The following RSPH10B2 variants were observed in gnomAD, a reference collection of about 807,000 sequenced individuals.
RSPH10B2 encodes radial spoke head 10 homolog B2 (Chlamydomonas).
Under a neutral mutation model 49.0 loss-of-function variants are expected in RSPH10B2, and 9 were observed. That is an observed-to-expected ratio of 0.18 (90% CI 0.11 to 0.32). RSPH10B2 has a LOEUF of 0.32. Ranked by LOEUF, RSPH10B2 falls within the 10% of genes least tolerant of loss-of-function variation. The probability of loss-of-function intolerance (pLI) is 1.00; values close to 1 mark genes in which losing one functional copy is unlikely to be tolerated. For synonymous variants in RSPH10B2, 35 were observed against 210.2 expected (o/e 0.17, Z 7.21); for missense variants, 95 against 589.9 (o/e 0.16, Z 8.69).
At chr7:6,764,722 G>C (rs1781401759) in intron 4 of RSPH10B2, among the ~76,000 whole-genome samples, 1 of 151,572 alleles carries the variant, frequency 6.6e-6, no homozygotes, top group South Asian at 2.1e-4. Flanking sequence ...GTGTGTGTGT[G>C]TGTGTGTGTG....
intron 6 of RSPH10B2, among the ~76,000 whole-genome samples, chr7:6,768,337 A>G (rs1194099159): frequency 6.6e-6 from 1 of 152,306 alleles, no homozygotes; most frequent in Non-Finnish European, 1.5e-5. Flanking sequence ...AAACTGCTTT[A>G]TATCTAACCT....
chr7:6,781,457 A>C, exon 13 of RSPH10B2: 1 of 1,268,394 alleles, frequency 7.9e-7, no homozygotes, highest in Non-Finnish European at 1.0e-6. Context: ...AAGATGAGAC[A>C]CTTCCTCTGG....
rs1782442932 is a variant in RSPH10B2 at position 6,793,746 on chromosome 7, A to G, written c.2233+1749A>G. On this transcript the variant is annotated intron_variant, in intron 17 of 18. Transcript: ENST00000297186. The stretch of plus-strand genomic sequence containing the variant: ...GTAGTCCCAGCTACTTGGGAGGCTG[A>G]GGTGAGAGAACTGCTTGAACCCAGG... Among the ~76,000 whole-genome samples, 9 of 144,944 alleles carry G rather than the reference A, an allele frequency of 6.2e-5. No homozygotes were observed. The South Asian group carries it at 2.3e-3, about 36-fold the overall frequency.
chr7:6,764,363 T>G (rs1176873077), intron 4 of RSPH10B2, among the ~76,000 whole-genome samples: 1 of 149,826 alleles, frequency 6.7e-6, no homozygotes, highest in Non-Finnish European at 1.5e-5. Flanking sequence ...ACCATTTTAT[T>G]AATTTTTTTT....
upstream of RSPH10B2, among the ~76,000 whole-genome samples, chr7:6,755,948 A>C (rs1383960012): frequency 7.1e-6 from 1 of 141,840 alleles, no homozygotes; most frequent in South Asian, 2.2e-4. Flanking sequence ...TAAAAAAAAA[A>C]AAAAAAAACA....
At chr7:6,776,873 T>TCACTCACACA (rs1554255334) in intron 10 of RSPH10B2, among the ~76,000 whole-genome samples, 2 of 110,996 alleles carry the variant, frequency 1.8e-5, no homozygotes, top group Non-Finnish European at 3.7e-5. Flanking sequence ...CGAGACTCCA[T>TCACTCACACA]CACACACACA....
intron 10 of RSPH10B2, among the ~76,000 whole-genome samples, chr7:6,776,873 T>TCTCTCA (rs1460063586): frequency 3.6e-5 from 4 of 110,996 alleles, no homozygotes; most frequent in African/African-American, 1.4e-4. Context: ...CGAGACTCCA[T>TCTCTCA]CACACACACA....
chr7:6,781,651 G>C, intron 13 of RSPH10B2, 175 bp downstream of exon 15: 1 of 742,118 alleles, frequency 1.3e-6, no homozygotes, highest in East Asian at 4.2e-5. Flanking sequence ...CTGTGGTCGT[G>C]GAAGGAACAG....
At chr7:6,783,841 T>A (rs6651077) in intron 13 of RSPH10B2, among the ~76,000 whole-genome samples, 36,586 of 119,352 alleles carry the variant, frequency 0.31, 1,673 homozygotes, top group African/African-American at 0.37. Context: ...TAATAATAAT[T>A]ATTATTATTA....
intron 17 of RSPH10B2, among the ~76,000 whole-genome samples, chr7:6,796,173 A>G (rs1782548267): frequency 8.1e-6 from 1 of 123,888 alleles, no homozygotes; most frequent in Non-Finnish European, 1.7e-5. Context: ...TACAAAAATT[A>G]GCCGAGTGTG....
At chr7:6,784,849 AGCCAC>A (rs1304494025) in intron 13 of RSPH10B2, among the ~76,000 whole-genome samples, 1 of 91,008 alleles carries the variant, frequency 1.1e-5, no homozygotes, top group African/African-American at 5.1e-5. Flanking sequence ...TACAGGTGTG[AGCCAC>A]CGCGCCCGGC....
At chr7:6,796,258 G>A in intron 17 of RSPH10B2, among the ~76,000 whole-genome samples, 1 of 120,452 alleles carries the variant, frequency 8.3e-6, no homozygotes, top group Non-Finnish European at 1.8e-5. Flanking sequence ...AGGTTGCAGT[G>A]AGCAGAGATC....
At chr7:6,764,449 C>T (rs1489756611) in intron 4 of RSPH10B2, among the ~76,000 whole-genome samples, 15 of 151,268 alleles carry the variant, frequency 9.9e-5, no homozygotes, top group Non-Finnish European at 1.8e-4. Flanking sequence ...CAACCTCTGC[C>T]TCCCGGGTTC....
intron 17 of RSPH10B2, among the ~76,000 whole-genome samples, chr7:6,793,853 AAG>A (rs1554257281): frequency 6.6e-6 from 1 of 150,528 alleles, no homozygotes; most frequent in African/African-American, 2.4e-5. Flanking sequence ...AAAAAAAAAA[AAG>A]GAAAAAAGGA....
intron 17 of RSPH10B2, among the ~76,000 whole-genome samples, chr7:6,796,296 A>C (rs1426936954): frequency 2.4e-5 from 3 of 126,864 alleles, no homozygotes; most frequent in African/African-American, 8.3e-5. Context: ...CCTGGGTGAC[A>C]GAGTGAGACT....
intron 13 of RSPH10B2, among the ~76,000 whole-genome samples, chr7:6,783,739 C>G (rs1237250276): frequency 4.0e-5 from 6 of 151,614 alleles, no homozygotes; most frequent in Non-Finnish European, 7.4e-5. Context: ...TCCTGAAGTG[C>G]TGGGATTACA....
At chr7:6,786,831 A>G in intron 14 of RSPH10B2, 47 bp from the exon 17 acceptor site, 1 of 600,392 alleles carries the variant, frequency 1.7e-6, no homozygotes, top group Non-Finnish European at 2.8e-6. Context: ...CTCTGTCTCC[A>G]GGTGTGTCAG....
At chr7:6,786,694 TGTGTGCGTGTCTGTGC>T (rs1782195109) in intron 14 of RSPH10B2, among the ~76,000 whole-genome samples, 168 bp from the exon 17 acceptor site, 1 of 137,810 alleles carries the variant, frequency 7.3e-6, no homozygotes, top group Admixed American at 7.3e-5. Flanking sequence ...CTAATATATG[TGTGTGCGTGTCTGTGC>T]GTGTGTGTGC....
chr7:6,764,303 G>C (rs368643422), intron 4 of RSPH10B2, among the ~76,000 whole-genome samples: 35,591 of 133,730 alleles, frequency 0.27, 1,074 homozygotes, highest in East Asian at 0.4. Context: ...CGCTGTCCAG[G>C]GCATATTCAC....
Sources: allele counts gnomAD v4.1 joint callset (sites outside exome capture counted in the v4.1 genomes callset), GRCh38; gene constraint gnomAD v4.1.1; transcripts MANE v1.5; gene names NCBI Gene and HGNC (gene_info 2026-07-23, HGNC 2026-07-21).